The following EVC2 variants were observed in gnomAD, a reference collection of about 807,000 sequenced individuals.
EVC2 encodes the protein limbin.
EVC2 carries 148 observed loss-of-function variants against 149.3 expected under a neutral mutation model. The ratio of observed to expected loss-of-function variants is 0.99; its 90% CI spans 0.87 to 1.14. The LOEUF is 1.14. Among genes scored for constraint, EVC2 ranks in the 50% most tolerant of loss-of-function variants. EVC2 has a pLI of 0.00. For missense variants in EVC2, 1,854 were observed against 1,627.3 expected, an observed-to-expected ratio of 1.14 and a Z score of -2.40; for synonymous variants, 776 against 649.9, an observed-to-expected ratio of 1.19 and a Z score of -2.95.
rs1441019128 is a variant in EVC2 at position 5,640,491 on chromosome 4, C to G, written c.1470+23G>C. 5.0e-6 allele frequency: 8 copies of G among 1,613,636 alleles called. No homozygotes were observed. In the East Asian group the frequency reaches 1.8e-4, roughly 36 times the overall value. On this transcript the variant is annotated intron_variant, in intron 10 of 21. Transcript: ENST00000344408. The surrounding 1 kb of genome is among the most constrained non-coding windows in gnomAD (Gnocchi z 4.6). ...TCCCTGAGAGAAAGGGAAGTGAACGCCTTCCTTTCAGACCTGTCTTACCCT... is the reference window on the plus strand; with the variant it reads ...TCCCTGAGAGAAAGGGAAGTGAACGGCTTCCTTTCAGACCTGTCTTACCCT...
At chr4:5,565,008 C>A (rs1722185310) in intron 21 of EVC2, among the ~76,000 whole-genome samples, 1 of 152,204 alleles carries the variant, frequency 6.6e-6, no homozygotes, top group African/African-American at 2.4e-5. Context: ...TTAAAAATAG[C>A]CATTAGCTAA....
chr4:5,691,353 T>G lies in EVC2; in HGVS notation c.451-20A>C. ...CCCATACTACAATAAAATGTAAAAG[T>G]TATTAGAAAATGAGAAATATTTCAT... On this transcript the variant is annotated intron_variant, in intron 3 of 21. Transcript: ENST00000344408. 1 of 1,592,756 alleles carries G rather than the reference T, an allele frequency of 6.3e-7. No individual in the cohort carries two copies.
At chr4:5,675,475 TTTCTCG>T (rs1459330729) in intron 7 of EVC2, among the ~76,000 whole-genome samples, 1 of 152,222 alleles carries the variant, frequency 6.6e-6, no homozygotes, top group Non-Finnish European at 1.5e-5. Flanking sequence ...TGGTCTGATG[TTTCTCG>T]TAGCAGTCAA....
At chr4:5,546,520 A>T (rs1417054771) in intron 21 of EVC2, among the ~76,000 whole-genome samples, 2 of 151,894 alleles carry the variant, frequency 1.3e-5, no homozygotes, top group African/African-American at 2.4e-5. Flanking sequence ...AACAATGAGA[A>T]CACATGGACA....
the EVC2 span, among the ~76,000 whole-genome samples, chr4:5,530,194 C>T: frequency 6.6e-6 from 1 of 152,180 alleles, no homozygotes; most frequent in African/African-American, 2.4e-5. Flanking sequence ...AAGTCCTTAC[C>T]TGTAGGGGCA....
chr4:5,594,746 A>G (rs1713214267), intron 16 of EVC2, among the ~76,000 whole-genome samples: 1 of 152,352 alleles, frequency 6.6e-6, no homozygotes, highest in South Asian at 2.1e-4. Context: ...TTGAGAGAAG[A>G]AGGCTTCAGA....
chr4:5,708,173 GC>G (rs901901685), intron 1 of EVC2, 112 bp downstream of exon 1: 1 of 949,294 alleles, frequency 1.1e-6, no homozygotes, highest in Non-Finnish European at 1.5e-6. Flanking sequence ...TTCAGATCCT[GC>G]CCTCCCTTCC....
chr4:5,574,562 T>A (rs1722807084), intron 19 of EVC2, 123 bp downstream of exon 19: 6 of 965,836 alleles, frequency 6.2e-6, no homozygotes, highest in Middle Eastern at 2.2e-4. Flanking sequence ...ACACATCTGC[T>A]CTGCAGGTTC....
chr4:5,572,583 G>C (rs1456444983), intron 19 of EVC2, among the ~76,000 whole-genome samples: 1 of 152,150 alleles, frequency 6.6e-6, no homozygotes, highest in African/African-American at 2.4e-5. Context: ...CAGGTACCTT[G>C]ATTTCGGACT....
intron 9 of EVC2, among the ~76,000 whole-genome samples, chr4:5,646,299 T>G (rs1717704436): frequency 2.0e-5 from 3 of 152,218 alleles, no homozygotes; most frequent in Admixed American, 2.0e-4. Flanking sequence ...GGTTTTGATT[T>G]GCATTTCCCT....
Position 5,589,420 on chromosome 4 carries a change from C to T in EVC2, c.2830-4570G>A, listed in dbSNP as rs190872425. Among the ~76,000 whole-genome samples, 7 of 152,280 alleles carry T rather than the reference C, an allele frequency of 4.6e-5. No individual in the cohort carries two copies. In the East Asian group the frequency reaches 9.7e-4, roughly 21 times the overall value. On this transcript the variant is annotated intron_variant, in intron 16 of 21. Coordinates refer to ENST00000344408, the MANE Select transcript of EVC2 (RefSeq NM_147127.5). ...AATTTTCTTCCATGGAAGTGCTGCGCAGGTCTCAGCAGAATACTCAAGAGG... is the reference window on the plus strand; with the variant it reads ...AATTTTCTTCCATGGAAGTGCTGCGTAGGTCTCAGCAGAATACTCAAGAGG...
intron 1 of EVC2, among the ~76,000 whole-genome samples, chr4:5,702,100 C>T (rs759610373): frequency 6.6e-6 from 1 of 152,304 alleles, no homozygotes; most frequent in Non-Finnish European, 1.5e-5. Context: ...CCATCCACAG[C>T]ATCCCATCTT....
chr4:5,597,360 T>A (rs1213067168), intron 16 of EVC2, among the ~76,000 whole-genome samples: 1 of 152,182 alleles, frequency 6.6e-6, no homozygotes, highest in Non-Finnish European at 1.5e-5. Flanking sequence ...ATCAAAAAGC[T>A]TATCCACCAT....
chr4:5,611,858 T>C (rs1305369006), intron 16 of EVC2, among the ~76,000 whole-genome samples: 1 of 152,232 alleles, frequency 6.6e-6, no homozygotes, highest in Non-Finnish European at 1.5e-5. Context: ...GACAGGCAGC[T>C]GTAACCTAAG....
intron 17 of EVC2, among the ~76,000 whole-genome samples, chr4:5,582,079 C>A (rs1446183236): frequency 1.3e-5 from 2 of 152,218 alleles, no homozygotes; most frequent in African/African-American, 4.8e-5. Flanking sequence ...TGGAGAACCT[C>A]TGCTAGGGCA....
At chr4:5,597,247 G>T (rs568910639) in intron 16 of EVC2, among the ~76,000 whole-genome samples, 208 of 152,076 alleles carry the variant, frequency 1.4e-3, no homozygotes, top group Non-Finnish European at 2.4e-3. Context: ...TACCAAAGCC[G>T]GGCAGAGACA....
chr4:5,642,792 A>C (rs1294617063), intron 9 of EVC2, among the ~76,000 whole-genome samples: 1 of 152,238 alleles, frequency 6.6e-6, no homozygotes. Context: ...TAAAAATACA[A>C]GGGTTTTAAG....
chr4:5,648,382 T>C (rs778462179), intron 9 of EVC2, among the ~76,000 whole-genome samples: 17 of 152,202 alleles, frequency 1.1e-4, no homozygotes, highest in Non-Finnish European at 1.8e-4. Context: ...CCATCCATCA[T>C]TCATTAATTC....
At chr4:5,582,583 T>C (rs1376511628) in intron 17 of EVC2, among the ~76,000 whole-genome samples, 1 of 152,244 alleles carries the variant, frequency 6.6e-6, no homozygotes, top group Non-Finnish European at 1.5e-5. Flanking sequence ...TTGTCTCAGA[T>C]GAGACTTTGG....
Sources: allele counts gnomAD v4.1 joint callset (sites outside exome capture counted in the v4.1 genomes callset), GRCh38; gene constraint gnomAD v4.1.1; non-coding constraint Gnocchi (gnomAD v3.1); transcripts MANE v1.5; gene names NCBI Gene and HGNC (gene_info 2026-07-23, HGNC 2026-07-21).